FBXO22: variants seen among roughly 807,000 people sequenced by gnomAD.
FBXO22 encodes the protein F-box protein 22.
Under a neutral mutation model 37.2 loss-of-function variants are expected in FBXO22, and 13 were observed. The ratio of observed to expected loss-of-function variants is 0.35; its 90% CI spans 0.23 to 0.56. The LOEUF (loss-of-function observed/expected upper bound fraction) is 0.56, where lower values mean the gene tolerates loss of function less well. Among genes scored for constraint, FBXO22 ranks in the 20% least tolerant of loss-of-function variants. The pLI, the probability that FBXO22 is intolerant of heterozygous loss-of-function variation, is 0.87. For synonymous variants in FBXO22, 189 were observed against 189.1 expected, an observed-to-expected ratio of 1.00 and a Z score of 0.00; for missense variants, 446 against 509.9, an observed-to-expected ratio of 0.87 and a Z score of 1.21.
intron 4 of FBXO22, among the ~76,000 whole-genome samples, chr15:75,915,770 G>T (rs1196969545): frequency 6.6e-6 from 1 of 151,910 alleles, no homozygotes; most frequent in African/African-American, 2.4e-5. Flanking sequence ...CATGATGGCG[G>T]GCACCTGTAA....
Position 75,933,112 on chromosome 15 carries a change from T to G in FBXO22, c.*10T>G, listed in dbSNP as rs1374486728. 6.3e-7 allele frequency: 1 copy of G among 1,578,582 alleles called. No individual in the cohort carries two copies. Among genetic ancestry groups the G allele is most frequent in the South Asian group, 1.2e-5 (1 of 85,122 alleles). ...GGGGTCATCTAAATAATAATTAAAG[T>G]GGCTTTCATAATATGTAACTTTTGG... On this transcript the variant is annotated 3_prime_UTR_variant, in exon 7 of 7. Coordinates refer to ENST00000308275, the MANE Select transcript of FBXO22 (RefSeq NM_147188.3).
chr15:75,920,209 C>T lies in FBXO22; in HGVS notation c.628+2815C>T, dbSNP rs147053273. Among the ~76,000 whole-genome samples, 5 of 152,222 alleles carry T rather than the reference C, an allele frequency of 3.3e-5. No individual in the cohort carries two copies. The East Asian group carries it at 7.7e-4, about 23-fold the overall frequency. ...CTTGATATTGGTAGGCTAGCTGGAG[C>T]GAACAAAGTTCAGCAAACTAGGTCT... is the stretch of plus-strand genomic sequence containing the variant. On this transcript the variant is annotated intron_variant, in intron 5 of 6. Transcript: ENST00000308275.
At chr15:75,917,481 G>A in intron 5 of FBXO22, 87 bp downstream of exon 5, 1 of 974,162 alleles carries the variant, frequency 1.0e-6, no homozygotes, top group Non-Finnish European at 1.5e-6. Flanking sequence ...TGGATATTAG[G>A]TTCCTTTGGG....
intron 2 of FBXO22, among the ~76,000 whole-genome samples, chr15:75,912,377 C>T (rs1259973398): frequency 2.0e-5 from 3 of 152,068 alleles, no homozygotes; most frequent in Non-Finnish European, 2.9e-5. Context: ...TGGTAGAATT[C>T]GGCTGTGAAT....
chr15:75,904,637 G>T lies in FBXO22; in HGVS notation c.279+8G>T. On this transcript the variant is annotated splice_region_variant and intron_variant, in intron 2 of 6. Transcript: ENST00000308275. ...GTAGCAGAGGAGCTTGAGGCAAGTA[G>T]CAAGGGGTGTCATGCACAGTCATTT... The T allele has an allele frequency of 1.9e-6, 3 of 1,598,986 alleles. No individual in the cohort carries two copies. Among genetic ancestry groups the T allele is most frequent in the Non-Finnish European group, 2.6e-6 (3 of 1,170,618 alleles).
At chr15:75,915,024 A>G (rs335701) in intron 4 of FBXO22, among the ~76,000 whole-genome samples, 143,015 of 152,308 alleles carry the variant, frequency 0.94, 67,448 homozygotes, top group East Asian at 1. Flanking sequence ...TTGGAGTGCA[A>G]TGGCGTGATC....
chr15:75,913,024 C>T (rs1316037758), intron 2 of FBXO22, among the ~76,000 whole-genome samples, 179 bp from the exon 3 acceptor site: 1 of 152,036 alleles, frequency 6.6e-6, no homozygotes, highest in Non-Finnish European at 1.5e-5. Flanking sequence ...TGTTATTTGC[C>T]CAGTAGTCAT....
At chr15:75,924,332 A>G (rs1439229606) in intron 5 of FBXO22, among the ~76,000 whole-genome samples, 2 of 152,166 alleles carry the variant, frequency 1.3e-5, no homozygotes, top group African/African-American at 4.8e-5. Flanking sequence ...GGCTTTATTG[A>G]GACTACTCAG....
In FBXO22 at chr15:75,933,208, T is replaced by A. The variant is rs1284426569; in HGVS notation, c.*106T>A. 4.3e-6 allele frequency: 4 copies of A among 925,818 alleles called. No individual in the cohort carries two copies. Among genetic ancestry groups the A allele is most frequent in the Non-Finnish European group, 6.4e-6 (4 of 620,630 alleles). 57.4% of individuals were successfully genotyped at this position (925,818 alleles called of 1,614,324 possible). ...AAACAAAAATAACTTTAGATATATC[T>A]TTTTTGTAGCTTTGATTGATGCTCT... On this transcript the variant is annotated 3_prime_UTR_variant, in exon 7 of 7. Transcript: ENST00000308275.
In FBXO22 at chr15:75,933,325, G is replaced by A. The variant is rs1337912672; in HGVS notation, c.*223G>A. 2 of 485,384 alleles carry A rather than the reference G, an allele frequency of 4.1e-6. No individual in the cohort carries two copies. The highest frequency in any genetic ancestry group is 7.3e-6 in the Non-Finnish European group (2 of 273,400). 30.1% of individuals were successfully genotyped at this position (485,384 alleles called of 1,614,324 possible). ...GAGTTGAGAGCTTTTGCATCAGGCA[G>A]AAGCAAACTGATTATAGTTGTGTTG... is the stretch of plus-strand genomic sequence containing the variant. On this transcript the variant is annotated 3_prime_UTR_variant, in exon 7 of 7. Coordinates refer to ENST00000308275, the MANE Select transcript of FBXO22 (RefSeq NM_147188.3).
chr15:75,904,887 G>C (rs1384361706), intron 2 of FBXO22, among the ~76,000 whole-genome samples: 1 of 149,138 alleles, frequency 6.7e-6, no homozygotes, highest in Non-Finnish European at 1.5e-5. Context: ...GCAGTGGCGC[G>C]ATCTCGGCTC....
intron 6 of FBXO22, 145 bp downstream of exon 6, chr15:75,930,194 A>G: frequency 2.7e-6 from 4 of 1,481,244 alleles, no homozygotes; most frequent in Non-Finnish European, 3.6e-6. Context: ...ACATTGGCTA[A>G]GGGGCTTACT....
chr15:75,907,565 G>C (rs1320623246), intron 2 of FBXO22, among the ~76,000 whole-genome samples: 1 of 151,944 alleles, frequency 6.6e-6, no homozygotes, highest in Non-Finnish European at 1.5e-5. Context: ...TACTTTTATA[G>C]CCATAAAGAA....
chr15:75,930,287 A>T (rs1461074946), intron 6 of FBXO22: 1 of 1,399,280 alleles, frequency 7.1e-7, no homozygotes, highest in East Asian at 2.6e-5. Flanking sequence ...CATTCTCCTT[A>T]AAATTTGACA....
At chr15:75,928,391 C>T (rs1034887788) in intron 5 of FBXO22, among the ~76,000 whole-genome samples, 1 of 152,084 alleles carries the variant, frequency 6.6e-6, no homozygotes, top group African/African-American at 2.4e-5. Context: ...AAATGTAGTA[C>T]ATATGCAGCC....
At chr15:75,910,676 T>A (rs775351700) in intron 2 of FBXO22, among the ~76,000 whole-genome samples, 14 of 152,352 alleles carry the variant, frequency 9.2e-5, no homozygotes, top group South Asian at 2.1e-4. Flanking sequence ...CTTTGTCAGA[T>A]GGATAGGTTG....
Position 75,913,280 on chromosome 15 carries a change from C to T in FBXO22, c.357C>T (p.Gly119=), listed in dbSNP as rs1159061636. The part of the protein sequence containing the change: ...ETFISLEECR[G]HKRARKRTSM... ...TCATTAGTCTGGAAGAGTGTCGTGG[C>T]CATAAGAGAGGTAAATATCAAAAGA... The change falls in exon 3 of 7, where the codon GGC becomes GGT. Residue 119 remains glycine, a synonymous_variant. Transcript: ENST00000308275. The T allele has an allele frequency of 2.5e-6, 4 of 1,603,594 alleles. No individual in the cohort carries two copies. In the South Asian group the frequency reaches 3.3e-5, roughly 13 times the overall value.
intron 3 of FBXO22, among the ~76,000 whole-genome samples, chr15:75,913,617 A>G (rs1005348911): frequency 9.2e-5 from 14 of 152,206 alleles, no homozygotes; most frequent in African/African-American, 3.4e-4. Context: ...TTGGAACATG[A>G]GGTCCCATTT....
rs913164492 is a variant in FBXO22 at position 75,938,287 on chromosome 15, TAAAA to T, written c.*5189_*5192del. On this transcript the variant is annotated 3_prime_UTR_variant, in exon 7 of 7. Transcript: ENST00000308275. ...ACAAATGGATGACAGCTTTTAAAAA[TAAAA>T]AAACAATGAACCAGAAAACCGTGGG... The T allele has an allele frequency of 3.3e-5, 5 of 151,524 alleles. No individual in the cohort carries two copies. Among genetic ancestry groups the T allele is most frequent in the African/African-American group, 9.7e-5 (4 of 41,210 alleles). 9.4% of individuals were successfully genotyped at this position (151,524 alleles called of 1,614,324 possible). A position where few individuals can be genotyped will look rare whatever the true frequency, so the allele number is the denominator to read the frequency against.
Sources: gnomAD v4.1 joint callset for allele counts (sites outside exome capture counted in the v4.1 genomes callset) on GRCh38, gnomAD v4.1.1 for gene constraint, MANE v1.5 for transcripts, NCBI Gene and HGNC (gene_info 2026-07-23, HGNC 2026-07-21) for gene names.